The following CTNND1 variants were observed in gnomAD, a reference collection of about 807,000 sequenced individuals.
CTNND1 encodes catenin delta-1.
In CTNND1, 16 loss-of-function variants were observed where a neutral mutation model predicts 112.1. That is an observed-to-expected ratio of 0.14 (90% confidence interval 0.10 to 0.22). The LOEUF (loss-of-function observed/expected upper bound fraction) is 0.22, where lower values mean the gene tolerates loss of function less well. CTNND1 is among the 10% of genes least tolerant of loss of function. The pLI, the probability that CTNND1 is intolerant of heterozygous loss-of-function variation, is 1.00. For synonymous variants in CTNND1, 420 were observed against 446.5 expected (o/e 0.94, Z 0.75); for missense variants, 1,008 against 1,257.0 (o/e 0.80, Z 3.00).
chr11:57,804,518 T>A, intron 8 of CTNND1, 145 bp from the exon 9 acceptor site: 1 of 617,036 alleles, frequency 1.6e-6, no homozygotes, highest in Non-Finnish European at 2.9e-6. Flanking sequence ...ATCAACTTTC[T>A]CTCAACTGCA....
At chr11:57,775,301 C>G (rs1171116013) in intron 1 of CTNND1, among the ~76,000 whole-genome samples, 1 of 146,054 alleles carries the variant, frequency 6.8e-6, no homozygotes, top group East Asian at 2.1e-4. Context: ...AGTTTGACAC[C>G]AGCTTTGGCA....
intron 1 of CTNND1, among the ~76,000 whole-genome samples, chr11:57,764,993 T>C (rs575782792): frequency 3.3e-5 from 5 of 152,312 alleles, no homozygotes; most frequent in Non-Finnish European, 7.3e-5. Context: ...TGGATATTAT[T>C]TTAATCTTTA....
At position 57,809,284 on chromosome 11, in the gene CTNND1, T is replaced by G; in HGVS notation, c.2253T>G (p.Ala751=). 4 of 1,613,202 alleles carry G rather than the reference T, an allele frequency of 2.5e-6. No homozygotes were observed. The highest frequency in any genetic ancestry group is 1.7e-6 in the Non-Finnish European group (2 of 1,179,304). The change falls in exon 15 of 21, where the codon GCT becomes GCG. Residue 751 remains alanine, a synonymous_variant. Coordinates refer to ENST00000399050, the MANE Select transcript of CTNND1 (RefSeq NM_001085458.2). Reference sequence around the variant, plus strand: ...ATTCTTTCTTACTAGGTAAACATGCTATTCCTAACTTGGTAAAGAATCTGC... The same window carrying G: ...ATTCTTTCTTACTAGGTAAACATGCGATTCCTAACTTGGTAAAGAATCTGC... The part of the protein sequence containing the change: ...ARNKELIGKH[A]IPNLVKNLPG...
At position 57,796,581 on chromosome 11, in the gene CTNND1, T is replaced by A; in HGVS notation, c.545T>A (p.Phe182Tyr). 1 of 1,614,010 alleles carries A rather than the reference T, an allele frequency of 6.2e-7. No individual in the cohort carries two copies. Among genetic ancestry groups the A allele is most frequent in the Non-Finnish European group, 8.5e-7 (1 of 1,179,902 alleles). ...NNYIQTLGRD[F>Y]RKNGNGGPGP... ...TATATCCAGACTTTGGGTCGTGATT[T>A]CCGCAAGAATGGCAATGGGGGACCT... The change falls in exon 6 of 21, where the codon TTC becomes TAC. Residue 182 changes from phenylalanine (F) to tyrosine (Y), a missense_variant. By Grantham distance (22) the Phe-to-Tyr change is conservative (BLOSUM62 3). Coordinates refer to ENST00000399050, the MANE Select transcript of CTNND1 (RefSeq NM_001085458.2).
At chr11:57,799,737 G>T (rs142749086) in intron 6 of CTNND1, among the ~76,000 whole-genome samples, 250 of 152,202 alleles carry the variant, frequency 1.6e-3, no homozygotes, top group African/African-American at 5.5e-3. Flanking sequence ...TATGGTAATT[G>T]TTCTTATAAT....
chr11:57,773,362 G>T (rs1328356901), intron 1 of CTNND1, among the ~76,000 whole-genome samples: 1 of 151,924 alleles, frequency 6.6e-6, no homozygotes, highest in Non-Finnish European at 1.5e-5. Flanking sequence ...CGAACTCCTG[G>T]GCTCAAGTGA....
In CTNND1 at chr11:57,816,496, C is replaced by T. The variant is rs1213144474; in HGVS notation, c.*188C>T. The T allele has an allele frequency of 1.5e-6, 1 of 646,630 alleles. No individual in the cohort carries two copies. The highest frequency in any genetic ancestry group is 2.7e-6 in the Non-Finnish European group (1 of 368,178). 40.1% of individuals were successfully genotyped at this position (646,630 alleles called of 1,614,324 possible). On this transcript the variant is annotated 3_prime_UTR_variant, in exon 21 of 21. Transcript: ENST00000399050. Reference sequence around the variant, plus strand: ...ACTTCTTCCTGTGAAGTTTAATTGTCTCAACGCCTCCCCCTCCCCCATTCC... The same window carrying T: ...ACTTCTTCCTGTGAAGTTTAATTGTTTCAACGCCTCCCCCTCCCCCATTCC...
intron 6 of CTNND1, 31 bp from the exon 7 acceptor site, chr11:57,801,702 G>A: frequency 6.4e-7 from 1 of 1,569,202 alleles, no homozygotes; most frequent in South Asian, 1.2e-5. Flanking sequence ...ATGACTTGAT[G>A]TATTCTCTTG....
chr11:57,790,730 G>A (rs1362213645), intron 2 of CTNND1, among the ~76,000 whole-genome samples: 1 of 134,202 alleles, frequency 7.5e-6, no homozygotes, highest in Admixed American at 8.4e-5. Flanking sequence ...GCCTTTTTTT[G>A]TATTTTTTTA....
chr11:57,798,344 CAAAAAAA>C (rs71061542), intron 6 of CTNND1, among the ~76,000 whole-genome samples: 1 of 105,726 alleles, frequency 9.5e-6, no homozygotes, highest in African/African-American at 3.7e-5. Flanking sequence ...GAGACTGTCT[CAAAAAAA>C]AAAAAAAAAA....
At position 57,795,573 on chromosome 11, in the gene CTNND1, A is replaced by G. The variant is rs776719539; in HGVS notation, c.268-4A>G. The G allele has an allele frequency of 3.1e-6, 5 of 1,607,956 alleles. No individual in the cohort carries two copies. In the South Asian group the frequency reaches 5.6e-5, roughly 18 times the overall value. On this transcript the variant is annotated splice_region_variant and splice_polypyrimidine_tract_variant and intron_variant, in intron 4 of 20. Coordinates refer to ENST00000399050, the MANE Select transcript of CTNND1 (RefSeq NM_001085458.2). ...GTTTCTTCTCTTTTCTCTTTTGCAT[A>G]TAGGATCACAGTCACCTTCTATATA... is the stretch of plus-strand genomic sequence containing the variant.
At chr11:57,782,075 A>C (rs2059640740) in intron 1 of CTNND1, among the ~76,000 whole-genome samples, 2 of 151,946 alleles carry the variant, frequency 1.3e-5, no homozygotes, top group African/African-American at 2.4e-5. Context: ...TTAAATATTG[A>C]CAGGTAGCTT....
rs1477889699 is a variant in CTNND1 at position 57,818,211 on chromosome 11, G to A, written c.*1903G>A. 6.6e-6 allele frequency: 1 copy of A among 151,356 alleles called. No individual in the cohort carries two copies. The highest frequency in any genetic ancestry group is 1.5e-5 in the Non-Finnish European group (1 of 67,764). 9.4% of individuals were successfully genotyped at this position (151,356 alleles called of 1,614,324 possible). ...TTTCCTGGTGCTCTTTTTTCTCGGTGGGGTGTGGGTAATAGAACAGCCGTG... is the reference window on the plus strand; with the variant it reads ...TTTCCTGGTGCTCTTTTTTCTCGGTAGGGTGTGGGTAATAGAACAGCCGTG... On this transcript the variant is annotated 3_prime_UTR_variant, in exon 21 of 21. Transcript: ENST00000399050.
rs941761280 is a variant in CTNND1 at position 57,811,441 on chromosome 11, TATG to T, written c.2599_2601del (p.Asp867del). 1.2e-5 allele frequency: 20 copies of T among 1,613,614 alleles called. No homozygotes were observed. Among genetic ancestry groups the T allele is most frequent in the Non-Finnish European group, 1.6e-5 (19 of 1,179,802 alleles). On this transcript the variant is annotated inframe_deletion, in exon 17 of 21. Coordinates refer to ENST00000399050, the MANE Select transcript of CTNND1 (RefSeq NM_001085458.2). ...TTCCCGAAGCCAGAGCAGTCATTCA[TATG>T]ATGATAGTACTCTCCCTCTCATTGA...
Position 57,819,533 on chromosome 11 carries a change from GC to G in CTNND1, c.*3227del, listed in dbSNP as rs2064131386. 1.3e-5 allele frequency: 2 copies of G among 151,998 alleles called. No homozygotes were observed. Among genetic ancestry groups the G allele is most frequent in the Admixed American group, 6.5e-5 (1 of 15,268 alleles). 9.4% of individuals were successfully genotyped at this position (151,998 alleles called of 1,614,324 possible). Reference sequence around the variant, plus strand: ...TGTTTATCTCATTCAATAAATATTTGCCAAGCACCTCCTATATGCTAAGCGT... The same window carrying G: ...TGTTTATCTCATTCAATAAATATTTGCAAGCACCTCCTATATGCTAAGCGT... On this transcript the variant is annotated 3_prime_UTR_variant, in exon 21 of 21. Coordinates refer to ENST00000399050, the MANE Select transcript of CTNND1 (RefSeq NM_001085458.2).
At chr11:57,781,821 C>A (rs2059615300) in intron 1 of CTNND1, among the ~76,000 whole-genome samples, 1 of 152,288 alleles carries the variant, frequency 6.6e-6, no homozygotes, top group Non-Finnish European at 1.5e-5. Flanking sequence ...CACAGAGAAG[C>A]AGGTTTTTTT....
Position 57,791,484 on chromosome 11 carries a change from C to T in CTNND1, c.6C>T (p.Asp2=), listed in dbSNP as rs762148167. Residue 2 remains aspartate, a synonymous_variant, in exon 3 of 21, where the codon GAC becomes GAT. Transcript: ENST00000399050. M[D]DSEVESTASI... The stretch of plus-strand genomic sequence containing the variant: ...CGGCTCCGCCCCTTACCTTCATGGA[C>T]GACTCAGAGGTGGAGTCGACCGCCA... 1.5e-5 allele frequency: 22 copies of T among 1,517,216 alleles called. No homozygotes were observed. The highest frequency in any genetic ancestry group is 1.9e-5 in the Non-Finnish European group (21 of 1,129,808). 94.0% of individuals were successfully genotyped at this position (1,517,216 alleles called of 1,614,324 possible).
chr11:57,794,421 G>A (rs1341111211), intron 4 of CTNND1, among the ~76,000 whole-genome samples: 5 of 152,104 alleles, frequency 3.3e-5, no homozygotes, highest in South Asian at 2.1e-4. Flanking sequence ...CCTTTTAGAC[G>A]GTATCTGAAG....
intron 6 of CTNND1, among the ~76,000 whole-genome samples, chr11:57,799,419 G>A (rs2061732330): frequency 6.6e-6 from 1 of 152,196 alleles, no homozygotes. Context: ...TGGTTCTTGG[G>A]TTTGTTCCAG....
Sources: gnomAD v4.1 joint callset for allele counts (sites outside exome capture counted in the v4.1 genomes callset) on GRCh38, gnomAD v4.1.1 for gene constraint, MANE v1.5 for transcripts, NCBI Gene and HGNC (gene_info 2026-07-23, HGNC 2026-07-21) for gene names.